PIK3C2G: variants seen among roughly 807,000 people sequenced by gnomAD.
PIK3C2G encodes the protein phosphatidylinositol-4-phosphate 3-kinase catalytic subunit type 2 gamma, also known as phosphatidylinositol 3-kinase C2 domain-containing subunit gamma.
A neutral mutation model predicts 181.1 loss-of-function variants in PIK3C2G; 168 were observed. The observed-to-expected ratio is 0.93, with a 90% confidence interval of 0.82 to 1.05. The LOEUF (loss-of-function observed/expected upper bound fraction) is 1.05, where lower values mean the gene tolerates loss of function less well. Ranked by LOEUF, PIK3C2G falls within the 50% of genes least tolerant of loss-of-function variation. The pLI, the probability that PIK3C2G is intolerant of heterozygous loss-of-function variation, is 0.00. For synonymous variants in PIK3C2G, 573 were observed against 592.2 expected (o/e 0.97, Z 0.47); for missense variants, 1,869 against 1,732.8 (o/e 1.08, Z -1.40).
At chr12:18,372,405 T>A (rs1344685810) in intron 13 of PIK3C2G, 4 of 152,218 alleles carry the variant, frequency 2.6e-5, no homozygotes, top group African/African-American at 7.2e-5. Flanking sequence ...AGTCCCTATA[T>A]AGGAGATAAA....
chr12:18,711,619 T>A, the PIK3C2G span, among the ~76,000 whole-genome samples: 82,185 of 150,868 alleles, frequency 0.54, 23,613 homozygotes, highest in South Asian at 0.66. Context: ...GAAGGAGAAG[T>A]AGGTTACAGT....
intron 13 of PIK3C2G, among the ~76,000 whole-genome samples, chr12:18,379,830 G>A (rs1942716478): frequency 6.6e-6 from 1 of 152,092 alleles, no homozygotes; most frequent in African/African-American, 2.4e-5. Context: ...AGGTTGGATG[G>A]TCCTATCACA....
chr12:18,362,664 C>A, intron 11 of PIK3C2G, 100 bp from the exon 12 acceptor site: 3 of 831,410 alleles, frequency 3.6e-6, no homozygotes, highest in Non-Finnish European at 5.3e-6. Context: ...GCAGTCATCA[C>A]TTTATCATTT....
At chr12:18,407,724 T>C (rs1432557566) in intron 16 of PIK3C2G, among the ~76,000 whole-genome samples, 1 of 152,074 alleles carries the variant, frequency 6.6e-6, no homozygotes, top group East Asian at 1.9e-4. Flanking sequence ...CTTAAGTAAG[T>C]TATATTCGAG....
the PIK3C2G span, among the ~76,000 whole-genome samples, chr12:18,655,975 A>G: frequency 6.6e-6 from 1 of 152,180 alleles, no homozygotes. Flanking sequence ...GGTAAAAAGT[A>G]AGTAAATTTT....
chr12:18,493,216 T>C (rs1940729610), intron 20 of PIK3C2G: 1 of 152,228 alleles, frequency 6.6e-6, no homozygotes, highest in Admixed American at 6.5e-5. Flanking sequence ...TCAAACTAAA[T>C]GTCTTATTTG....
intron 24 of PIK3C2G, among the ~76,000 whole-genome samples, chr12:18,511,791 T>G (rs985440790): frequency 1.3e-5 from 2 of 152,116 alleles, no homozygotes; most frequent in African/African-American, 4.8e-5. Context: ...GCTAATTGTT[T>G]CCTTTACTGA....
chr12:18,254,460 T>A (rs1948124108), intron 1 of PIK3C2G, among the ~76,000 whole-genome samples: 1 of 152,054 alleles, frequency 6.6e-6, no homozygotes, highest in Non-Finnish European at 1.5e-5. Flanking sequence ...CTGGGGAAAG[T>A]TATTTATAAA....
chr12:18,395,043 C>A (rs1414051321), intron 15 of PIK3C2G, among the ~76,000 whole-genome samples: 2 of 144,058 alleles, frequency 1.4e-5, no homozygotes, highest in Non-Finnish European at 3.1e-5. Flanking sequence ...TTGTTTCTTT[C>A]ATTTTCTCTT....
At chr12:18,524,646 A>T (rs866186884) in intron 24 of PIK3C2G, among the ~76,000 whole-genome samples, 2 of 150,734 alleles carry the variant, frequency 1.3e-5, no homozygotes, top group Non-Finnish European at 1.5e-5. Flanking sequence ...GCTCACTGCA[A>T]CCTCCGCCTC....
the PIK3C2G span, chr12:18,712,977 C>T: frequency 1.9e-6 from 3 of 1,613,884 alleles, no homozygotes; most frequent in South Asian, 1.1e-5. Context: ...GGCATCCTTT[C>T]ACAAGGGCAC....
chr12:18,621,624 A>G (rs1043177668), intron 31 of PIK3C2G, among the ~76,000 whole-genome samples: 1 of 151,868 alleles, frequency 6.6e-6, no homozygotes, highest in South Asian at 2.1e-4. Context: ...AGATTATTAT[A>G]CTAGTGAATT....
chr12:18,605,844 C>T (rs1405867901), intron 30 of PIK3C2G, among the ~76,000 whole-genome samples: 2 of 152,150 alleles, frequency 1.3e-5, no homozygotes, highest in South Asian at 2.1e-4. Context: ...TGCTTATAAA[C>T]CAGGCGCTTA....
At chr12:18,433,530 AAAAT>A (rs1946283742) in intron 18 of PIK3C2G, among the ~76,000 whole-genome samples, 1 of 152,182 alleles carries the variant, frequency 6.6e-6, no homozygotes, top group South Asian at 2.1e-4. Flanking sequence ...CATCTCGAAA[AAAAT>A]AAATAAATAA....
intron 5 of PIK3C2G, among the ~76,000 whole-genome samples, chr12:18,298,392 A>G (rs1235014852): frequency 1.5e-5 from 2 of 132,408 alleles, no homozygotes; most frequent in Non-Finnish European, 3.3e-5. Context: ...GTTCATTTTT[A>G]GTTTGTGTGT....
the PIK3C2G span, among the ~76,000 whole-genome samples, chr12:18,696,850 T>A: frequency 1.3e-5 from 2 of 152,148 alleles, no homozygotes; most frequent in Admixed American, 1.3e-4. Context: ...TTTACATGTC[T>A]CCATTGAAAA....
intron 25 of PIK3C2G, among the ~76,000 whole-genome samples, chr12:18,539,500 C>T (rs776303529): frequency 2.0e-5 from 3 of 151,692 alleles, no homozygotes; most frequent in African/African-American, 4.8e-5. Context: ...CCTCTAGTCA[C>T]GTTTGTTTAT....
At chr12:18,431,147 C>T (rs1946135928) in intron 18 of PIK3C2G, among the ~76,000 whole-genome samples, 1 of 152,122 alleles carries the variant, frequency 6.6e-6, no homozygotes, top group African/African-American at 2.4e-5. Context: ...CAAGTCACTC[C>T]TTGAGGTTAA....
the PIK3C2G span, among the ~76,000 whole-genome samples, chr12:18,675,457 A>G: frequency 1.4e-3 from 218 of 152,302 alleles, 1 homozygote; most frequent in African/African-American, 5.0e-3. Context: ...GGAAAAAAGT[A>G]TGGGTATTTC....
Sources: allele counts gnomAD v4.1 joint callset (sites outside exome capture counted in the v4.1 genomes callset), GRCh38; gene constraint gnomAD v4.1.1; transcripts MANE v1.5; gene names NCBI Gene and HGNC (gene_info 2026-07-23, HGNC 2026-07-21).